Variants in CSMD3 observed in about 807,000 individuals in gnomAD.
CSMD3 encodes the protein CUB and sushi domain-containing protein 3.
CSMD3 carries 177 observed loss-of-function variants against 435.2 expected under a neutral mutation model. The ratio of observed to expected loss-of-function variants is 0.41; its 90% CI spans 0.36 to 0.46. CSMD3 has a LOEUF of 0.46. Among genes scored for constraint, CSMD3 ranks in the 20% least tolerant of loss-of-function variants. CSMD3 has a pLI of 0.34. For synonymous variants in CSMD3, 1,656 were observed against 1,520.5 expected (o/e 1.09, Z -2.07); for missense variants, 4,265 against 4,504.6 (o/e 0.95, Z 1.52).
chr8:113,434,660 C>T (rs932022035), intron 1 of CSMD3, among the ~76,000 whole-genome samples: 1 of 152,106 alleles, frequency 6.6e-6, no homozygotes, highest in African/African-American at 2.4e-5. Context: ...ATTGATTTTG[C>T]ACAGGATCAA....
At chr8:113,319,448 C>A (rs1184842341) in intron 1 of CSMD3, among the ~76,000 whole-genome samples, 1 of 151,788 alleles carries the variant, frequency 6.6e-6, no homozygotes, top group Non-Finnish European at 1.5e-5. Flanking sequence ...CTTTATAATT[C>A]TGGATATATT....
chr8:113,158,266 TC>T (rs933386244), intron 4 of CSMD3, among the ~76,000 whole-genome samples: 2 of 151,266 alleles, frequency 1.3e-5, no homozygotes, highest in African/African-American at 4.9e-5. Flanking sequence ...AAGGCTGACA[TC>T]ACTAACGCTA....
intron 3 of CSMD3, among the ~76,000 whole-genome samples, chr8:113,252,963 G>A (rs1009852927): frequency 2.6e-5 from 4 of 152,076 alleles, no homozygotes; most frequent in Non-Finnish European, 4.4e-5. Flanking sequence ...ACGAGTGTTC[G>A]GCTTAAGGAG....
At chr8:112,839,238 G>T (rs898685910) in intron 11 of CSMD3, among the ~76,000 whole-genome samples, 1 of 151,654 alleles carries the variant, frequency 6.6e-6, no homozygotes, top group East Asian at 1.9e-4. Flanking sequence ...AGTGATAAAA[G>T]CTTTTAGCTT....
chr8:113,413,668 T>C (rs1360652816), intron 1 of CSMD3, among the ~76,000 whole-genome samples: 1 of 152,190 alleles, frequency 6.6e-6, no homozygotes, highest in East Asian at 1.9e-4. Flanking sequence ...TATGGATAAT[T>C]AGTTCTCAAC....
At chr8:112,261,623 G>C (rs55691798) in intron 61 of CSMD3, among the ~76,000 whole-genome samples, 31,823 of 151,800 alleles carry the variant, frequency 0.21, 3,778 homozygotes, top group East Asian at 0.37. Flanking sequence ...CAATATTCTT[G>C]AACATGTCTC....
At chr8:112,741,823 AGAT>A (rs2077317795) in intron 13 of CSMD3, among the ~76,000 whole-genome samples, 4 of 151,890 alleles carry the variant, frequency 2.6e-5, no homozygotes, top group Non-Finnish European at 4.4e-5. Context: ...ATAGATAGAT[AGAT>A]AACACAAAAA....
At chr8:113,205,729 A>G (rs952282917) in intron 3 of CSMD3, among the ~76,000 whole-genome samples, 25 of 152,318 alleles carry the variant, frequency 1.6e-4, no homozygotes, top group East Asian at 1.4e-3. Context: ...TTTATTCTAT[A>G]ACCTCCCTCC....
intron 32 of CSMD3, among the ~76,000 whole-genome samples, chr8:112,426,464 C>G (rs1813080829): frequency 6.6e-6 from 1 of 152,052 alleles, no homozygotes. Context: ...ACTCTTCTTC[C>G]TGAAACCCAT....
At chr8:113,392,523 G>A (rs1484086168) in intron 1 of CSMD3, among the ~76,000 whole-genome samples, 1 of 151,980 alleles carries the variant, frequency 6.6e-6, no homozygotes, top group Non-Finnish European at 1.5e-5. Context: ...TTTATAGATG[G>A]GGAAATGAGC....
rs147371532 is a variant in CSMD3 at position 112,633,951 on chromosome 8, T to C, written c.3715+2866A>G. On this transcript the variant is annotated intron_variant, in intron 22 of 70. Transcript: ENST00000297405. ...ACCCTTGTGCCAGGAAAAGAATGTT[T>C]AGATTCCAAATAACTGAAACAGCAG... Among the ~76,000 whole-genome samples, 1,395 of 152,190 alleles carry C rather than the reference T, an allele frequency of 9.2e-3. 73 individuals are homozygous for C. Among genetic ancestry groups the C allele is most frequent in the Admixed American group, 0.083 (1,266 of 15,254 alleles).
At chr8:113,097,151 A>G (rs1031442331) in intron 5 of CSMD3, among the ~76,000 whole-genome samples, 11 of 152,080 alleles carry the variant, frequency 7.2e-5, no homozygotes, top group African/African-American at 2.7e-4. Flanking sequence ...ACAGAAACAA[A>G]GAAGTAAAAC....
chr8:113,166,892 T>C (rs2092160696), intron 4 of CSMD3, among the ~76,000 whole-genome samples: 2 of 152,178 alleles, frequency 1.3e-5, no homozygotes, highest in Admixed American at 1.3e-4. Flanking sequence ...AAAAATAACG[T>C]AGTTATTACT....
chr8:113,325,542 G>A (rs1373007839), intron 1 of CSMD3, among the ~76,000 whole-genome samples: 2 of 152,076 alleles, frequency 1.3e-5, no homozygotes, highest in Non-Finnish European at 2.9e-5. Context: ...TCTTTCTTTT[G>A]TAAATTGTTG....
chr8:113,426,802 A>C (rs1203542134), intron 1 of CSMD3, among the ~76,000 whole-genome samples: 1 of 151,566 alleles, frequency 6.6e-6, no homozygotes, highest in Non-Finnish European at 1.5e-5. Flanking sequence ...GCTGATCATA[A>C]GTTTTCAACA....
intron 1 of CSMD3, among the ~76,000 whole-genome samples, chr8:113,434,787 G>C (rs560104252): frequency 1.3e-5 from 2 of 152,290 alleles, no homozygotes; most frequent in South Asian, 2.1e-4. Flanking sequence ...CGGAAAATAC[G>C]GTAGGTGCGG....
intron 7 of CSMD3, among the ~76,000 whole-genome samples, chr8:112,969,817 C>A (rs1307064100): frequency 6.6e-6 from 1 of 151,862 alleles, no homozygotes; most frequent in African/African-American, 2.4e-5. Context: ...ACTAAAGTCT[C>A]CAAGAAAAGT....
intron 10 of CSMD3, among the ~76,000 whole-genome samples, chr8:112,878,076 T>A (rs1326678487): frequency 6.6e-6 from 1 of 152,108 alleles, no homozygotes; most frequent in Admixed American, 6.6e-5. Flanking sequence ...TGGGATCTAA[T>A]TAAACTAAAG....
At chr8:113,131,087 A>C (rs2091272796) in intron 4 of CSMD3, among the ~76,000 whole-genome samples, 1 of 152,154 alleles carries the variant, frequency 6.6e-6, no homozygotes, top group African/African-American at 2.4e-5. Context: ...GATGGTCTGA[A>C]ATTTGAAGTT....
Sources: gnomAD v4.1 joint callset for allele counts (sites outside exome capture counted in the v4.1 genomes callset) on GRCh38, gnomAD v4.1.1 for gene constraint, MANE v1.5 for transcripts, NCBI Gene and HGNC (gene_info 2026-07-23, HGNC 2026-07-21) for gene names.